Variants in GUCD1 observed in about 807,000 individuals in gnomAD.
GUCD1 encodes guanylyl cyclase domain containing 1, also known as protein GUCD1.
GUCD1 carries 17 observed loss-of-function variants against 28.3 expected under a neutral mutation model. The ratio of observed to expected loss-of-function variants is 0.60; its 90% CI spans 0.41 to 0.90. The LOEUF is 0.90. Ranked by LOEUF, GUCD1 falls within the 40% of genes least tolerant of loss-of-function variation. The pLI is 0.00. For missense variants in GUCD1, 279 were observed against 305.5 expected, an observed-to-expected ratio of 0.91 and a Z score of 0.65; for synonymous variants, 129 against 123.3, an observed-to-expected ratio of 1.05 and a Z score of -0.30.
chr22:24,544,269 G>C (rs958049308), intron 4 of GUCD1, among the ~76,000 whole-genome samples, 186 bp from the exon 5 acceptor site: 8 of 150,526 alleles, frequency 5.3e-5, no homozygotes, highest in Non-Finnish European at 7.4e-5. Flanking sequence ...GAGACCGGTG[G>C]GGGGGGTGTG....
intron 1 of GUCD1, among the ~76,000 whole-genome samples, chr22:24,554,225 A>C (rs541510637): frequency 9.2e-5 from 14 of 152,196 alleles, no homozygotes; most frequent in Non-Finnish European, 1.8e-4. Context: ...AGGAAAGGCA[A>C]GTATCTTGTC....
At chr22:24,549,127 T>C in intron 1 of GUCD1, 126 bp from the exon 2 acceptor site, 1 of 621,340 alleles carries the variant, frequency 1.6e-6, no homozygotes, top group Non-Finnish European at 2.9e-6. Flanking sequence ...CTTCCCACAA[T>C]CCTTCAGGAA....
At chr22:24,548,513 A>C (rs984093196) in intron 2 of GUCD1, among the ~76,000 whole-genome samples, 1 of 152,208 alleles carries the variant, frequency 6.6e-6, no homozygotes, top group Non-Finnish European at 1.5e-5. Flanking sequence ...ACTCTTGTAC[A>C]AGGTGACGGC....
chr22:24,548,976 G>T lies in GUCD1; in HGVS notation c.69C>A (p.Pro23=). The change falls in exon 2 of 6, where the codon CCC becomes CCA. Residue 23 remains proline (P), a synonymous_variant. Coordinates refer to ENST00000435822, the MANE Select transcript of GUCD1 (RefSeq NM_001284254.2). ...CCCAGTGGTAGAGCTGCTGGATGAC[G>T]GGCACAGGCAGTTGCACAAAGTCCC... ...EPGDFVQLPV[P]VIQQLYHWDC... is the part of the protein sequence containing the mutation. The T allele has an allele frequency of 6.3e-7, 1 of 1,584,294 alleles. No individual in the cohort carries two copies. The highest frequency in any genetic ancestry group is 8.6e-7 in the Non-Finnish European group (1 of 1,165,078).
At chr22:24,544,211 A>G (rs970804108) in intron 4 of GUCD1, 128 bp from the exon 5 acceptor site, 47 of 1,319,122 alleles carry the variant, frequency 3.6e-5, no homozygotes, top group African/African-American at 5.8e-5. Context: ...TTTGCCCTGA[A>G]CTCCCTGCTC....
Position 24,542,768 on chromosome 22 carries a change from C to G in GUCD1, c.*238G>C. The G allele has an allele frequency of 2.1e-6, 1 of 484,194 alleles. No homozygotes were observed. The highest frequency in any genetic ancestry group is 2.1e-5 in the South Asian group (1 of 46,668). The allele number at this position is 484,194 out of a possible 1,614,324, so 30.0% of individuals were successfully genotyped here. On this transcript the variant is annotated 3_prime_UTR_variant, in exon 6 of 6. Coordinates refer to ENST00000435822, the MANE Select transcript of GUCD1 (RefSeq NM_001284254.2). Reference sequence around the variant, plus strand: ...CGCAGCTGGAGTCAAGGCTTGGGGTCTTGGGGTATGCTTCCAGCAGCCAGC... The same window carrying G: ...CGCAGCTGGAGTCAAGGCTTGGGGTGTTGGGGTATGCTTCCAGCAGCCAGC...
chr22:24,544,861 A>G (rs893857813), intron 4 of GUCD1, among the ~76,000 whole-genome samples: 1 of 152,122 alleles, frequency 6.6e-6, no homozygotes, highest in Admixed American at 6.5e-5. Context: ...AAACATTTAA[A>G]AATTTACCAG....
upstream of GUCD1, chr22:24,555,394 T>A: frequency 7.9e-7 from 1 of 1,261,438 alleles, no homozygotes; most frequent in Non-Finnish European, 1.1e-6. Flanking sequence ...CTCGTGCATT[T>A]CCTGAATAGA....
intron 4 of GUCD1, among the ~76,000 whole-genome samples, chr22:24,546,519 C>G (rs1454477167): frequency 6.6e-6 from 1 of 152,202 alleles, no homozygotes; most frequent in Non-Finnish European, 1.5e-5. Context: ...GCAGCCCTTA[C>G]ACACTGGGTC....
At chr22:24,544,573 G>A (rs2044677995) in intron 4 of GUCD1, among the ~76,000 whole-genome samples, 3 of 152,198 alleles carry the variant, frequency 2.0e-5, no homozygotes, top group Non-Finnish European at 4.4e-5. Flanking sequence ...GCTCCTGGTG[G>A]CAGAAGGGGC....
At chr22:24,552,979 T>C (rs1328884139) in intron 1 of GUCD1, among the ~76,000 whole-genome samples, 1 of 151,858 alleles carries the variant, frequency 6.6e-6, no homozygotes, top group Non-Finnish European at 1.5e-5. Flanking sequence ...AAAAATAAAA[T>C]AAGCCCTCAC....
chr22:24,547,121 C>T, intron 3 of GUCD1, 116 bp from the exon 4 acceptor site: 1 of 780,672 alleles, frequency 1.3e-6, no homozygotes, highest in Non-Finnish European at 2.2e-6. Flanking sequence ...GCAGAGGAGC[C>T]CCACCTGCCA....
chr22:24,548,671 C>A (rs1384657867), intron 2 of GUCD1, among the ~76,000 whole-genome samples: 6 of 152,196 alleles, frequency 3.9e-5, no homozygotes, highest in Admixed American at 3.9e-4. Flanking sequence ...GTAGGACAGG[C>A]CTGGGCACCT....
At chr22:24,552,141 A>G (rs2044892948) in intron 1 of GUCD1, among the ~76,000 whole-genome samples, 1 of 152,190 alleles carries the variant, frequency 6.6e-6, no homozygotes, top group South Asian at 2.1e-4. Flanking sequence ...CAGCGCCTTG[A>G]TCTTGGACCT....
intron 4 of GUCD1, among the ~76,000 whole-genome samples, chr22:24,545,681 G>C (rs960564597): frequency 6.6e-6 from 1 of 151,588 alleles, no homozygotes; most frequent in Non-Finnish European, 1.5e-5. Context: ...TCGGCTCACT[G>C]CAAGCTCCGC....
At chr22:24,544,335 G>A (rs577565323) in intron 4 of GUCD1, among the ~76,000 whole-genome samples, 1 of 152,144 alleles carries the variant, frequency 6.6e-6, no homozygotes. Flanking sequence ...CCTTCACGGG[G>A]AGAGCATTCA....
rs191716304 is a variant in GUCD1, at chr22:24,546,969, G to A, written c.331C>T (p.Arg111Trp). Residue 111 changes from arginine to tryptophan, a missense_variant, in exon 4 of 6, where the codon CGG (arginine) becomes TGG (tryptophan). Arg to Trp is a moderately radical substitution (Grantham distance 101, BLOSUM62 -3). Coordinates refer to ENST00000435822, the MANE Select transcript of GUCD1 (RefSeq NM_001284254.2). The stretch of plus-strand genomic sequence containing the variant: ...GCTTGTGCAAACAGCTGATTCACCC[G>A]GGTCTCTTCTGTGTCAAAGTGCTTC... ...YRKHFDTEET[R>W]VNQLFAQAKA... The A allele has an allele frequency of 8.7e-6, 14 of 1,614,106 alleles. No homozygotes were observed. The highest frequency in any genetic ancestry group is 6.7e-5 in the East Asian group (3 of 44,876).
upstream of GUCD1, chr22:24,555,873 C>T (rs2045050604): frequency 6.6e-7 from 1 of 1,521,762 alleles, no homozygotes; most frequent in Non-Finnish European, 8.8e-7. Context: ...GCCCTAGTTT[C>T]CCAGCCGGCA....
rs2044996496 is a variant in GUCD1, at chr22:24,554,938, G to A, written c.43+11C>T. ...CTAGGGTGAAGACTGGGCCCACAGAGAGGCACTGACCGGGCTCGAGCGGCG... is the reference window on the plus strand; with the variant it reads ...CTAGGGTGAAGACTGGGCCCACAGAAAGGCACTGACCGGGCTCGAGCGGCG... On this transcript the variant is annotated intron_variant, in intron 1 of 5. Transcript: ENST00000435822. The A allele has an allele frequency of 1.9e-6, 3 of 1,574,424 alleles. No homozygotes were observed. The South Asian group carries it at 3.4e-5, about 18-fold the overall frequency.
Sources: gnomAD v4.1 joint callset for allele counts (sites outside exome capture counted in the v4.1 genomes callset) on GRCh38, gnomAD v4.1.1 for gene constraint, MANE v1.5 for transcripts, NCBI Gene and HGNC (gene_info 2026-07-23, HGNC 2026-07-21) for gene names.